The following SYN3 variants were observed in gnomAD, a reference collection of about 807,000 sequenced individuals.
The protein encoded by SYN3 is synapsin III.
Under a neutral mutation model 65.8 loss-of-function variants are expected in SYN3, and 35 were observed. That is an observed-to-expected ratio of 0.53 (90% CI 0.41 to 0.70). SYN3 has a LOEUF of 0.70. Among genes scored for constraint, SYN3 ranks in the 30% least tolerant of loss-of-function variants. The probability of loss-of-function intolerance (pLI) is 0.00; values close to 1 mark genes in which losing one functional copy is unlikely to be tolerated. For missense variants in SYN3, 680 were observed against 749.0 expected (o/e 0.91, Z 1.08); for synonymous variants, 270 against 292.9 (o/e 0.92, Z 0.80).
chr22:32,997,416 T>C (rs1043809590), intron 2 of SYN3, among the ~76,000 whole-genome samples: 1 of 152,174 alleles, frequency 6.6e-6, no homozygotes, highest in Non-Finnish European at 1.5e-5. Context: ...ACTGAAGCAG[T>C]AGCAGTGGTC....
intron 3 of SYN3, among the ~76,000 whole-genome samples, chr22:32,979,442 T>C (rs2052307326): frequency 6.6e-6 from 1 of 152,210 alleles, no homozygotes; most frequent in Admixed American, 6.5e-5. Flanking sequence ...ATTCAAAGTG[T>C]AGGTGTTTTA....
At chr22:32,515,099 C>G (rs1287991010) in intron 13 of SYN3, among the ~76,000 whole-genome samples, 1 of 152,124 alleles carries the variant, frequency 6.6e-6, no homozygotes, top group Non-Finnish European at 1.5e-5. Flanking sequence ...AGAGTCTTAT[C>G]TAGAACAAGG....
rs543611006 is a variant in SYN3, at chr22:32,945,709, A to C, written c.370-14228T>G. 3.3e-5 allele frequency among the ~76,000 whole-genome samples: 5 copies of C among 152,356 alleles called. No individual in the cohort carries two copies. In the South Asian group the frequency reaches 1.0e-3, roughly 32 times the overall value. On this transcript the variant is annotated intron_variant, in intron 3 of 13. Transcript: ENST00000358763. ...GACAAATGGGATCTAATTAAACTAA[A>C]GAGCTTCTGCACAGCAAAAGAAACT...
chr22:32,951,666 A>G (rs1055065225), intron 3 of SYN3, among the ~76,000 whole-genome samples: 5 of 152,204 alleles, frequency 3.3e-5, no homozygotes, highest in African/African-American at 9.6e-5. Context: ...CCTGGAAATT[A>G]TGTCAGCTGG....
intron 2 of SYN3, among the ~76,000 whole-genome samples, chr22:32,986,482 T>TC (rs2052530894): frequency 1.3e-5 from 2 of 151,934 alleles, no homozygotes; most frequent in Admixed American, 6.6e-5. Context: ...AGGGAGTCCA[T>TC]CCCCCCGCCT....
intron 7 of SYN3, among the ~76,000 whole-genome samples, chr22:32,554,382 A>G (rs1005615172): frequency 1.3e-5 from 2 of 152,008 alleles, no homozygotes; most frequent in African/African-American, 4.8e-5. Flanking sequence ...GTTTATTATC[A>G]TTTTTGTTAC....
chr22:32,542,551 ATATG>A (rs2058273700), intron 7 of SYN3, among the ~76,000 whole-genome samples: 1 of 143,420 alleles, frequency 7.0e-6, no homozygotes, highest in East Asian at 2.1e-4. Flanking sequence ...GTAGTGTGTG[ATATG>A]TGTGTGGTGT....
At chr22:32,813,344 C>T (rs976187043) in intron 6 of SYN3, among the ~76,000 whole-genome samples, 1 of 152,114 alleles carries the variant, frequency 6.6e-6, no homozygotes, top group Non-Finnish European at 1.5e-5. Flanking sequence ...CTGTGGTGAA[C>T]CGTACAGTCC....
intron 6 of SYN3, 77 bp from the exon 7 acceptor site, chr22:32,596,813 A>T: frequency 2.8e-6 from 4 of 1,427,254 alleles, no homozygotes; most frequent in Non-Finnish European, 3.9e-6. Context: ...CTTGTTCCAT[A>T]GAAAGATCCA....
At chr22:32,756,372 T>C (rs1048539717) in intron 6 of SYN3, among the ~76,000 whole-genome samples, 1 of 152,172 alleles carries the variant, frequency 6.6e-6, no homozygotes, top group African/African-American at 2.4e-5. Flanking sequence ...TGTATACACA[T>C]GTAACAAACC....
chr22:32,923,156 T>C (rs2050378974), intron 4 of SYN3, among the ~76,000 whole-genome samples: 1 of 152,150 alleles, frequency 6.6e-6, no homozygotes, highest in South Asian at 2.1e-4. Context: ...AGTCTATGGC[T>C]GGAGTCTTGA....
chr22:32,879,393 A>G (rs1049474412), intron 4 of SYN3, among the ~76,000 whole-genome samples: 1 of 152,172 alleles, frequency 6.6e-6, no homozygotes, highest in African/African-American at 2.4e-5. Context: ...AACAACAAAA[A>G]TTTATTTCTC....
chr22:32,741,089 A>G (rs546022240), intron 6 of SYN3, among the ~76,000 whole-genome samples: 26 of 152,324 alleles, frequency 1.7e-4, no homozygotes, highest in South Asian at 4.1e-4. Context: ...GGATCAGGGC[A>G]TGAGGAACAG....
In SYN3 at chr22:32,533,867, C is replaced by T. The variant is rs780441563; in HGVS notation, c.1021G>A (p.Glu341Lys). 2.5e-6 allele frequency: 4 copies of T among 1,613,906 alleles called. No individual in the cohort carries two copies. The highest frequency in any genetic ancestry group is 3.4e-6 in the Non-Finnish European group (4 of 1,179,880). The change falls in exon 10 of 14, where the codon GAA becomes AAA. Residue 341 changes from glutamate to lysine, a missense_variant. Glu to Lys is a moderately conservative substitution (Grantham distance 56). Transcript: ENST00000358763. Reference sequence around the variant, plus strand: ...CAGATGTCCAGGCCGCCAAACATTTCCGAGCAGCTGTCCACCCACAGCCTG... The same window carrying T: ...CAGATGTCCAGGCCGCCAAACATTTTCGAGCAGCTGTCCACCCACAGCCTG... ...RYRLWVDSCS[E>K]MFGGLDICAV...
At chr22:32,939,706 TGTA>T (rs1317955682) in intron 3 of SYN3, among the ~76,000 whole-genome samples, 1 of 152,236 alleles carries the variant, frequency 6.6e-6, no homozygotes, top group African/African-American at 2.4e-5. Context: ...TTAATTTCTG[TGTA>T]GTATTTCATT....
At chr22:32,787,631 C>T (rs890995278) in intron 6 of SYN3, among the ~76,000 whole-genome samples, 6 of 152,176 alleles carry the variant, frequency 3.9e-5, no homozygotes, top group African/African-American at 1.4e-4. Context: ...AGGCATCTTG[C>T]ACTGTTTTCT....
intron 4 of SYN3, among the ~76,000 whole-genome samples, chr22:32,869,950 T>C (rs1233385586): frequency 6.6e-6 from 1 of 152,150 alleles, no homozygotes. Context: ...TCAGGTCATC[T>C]GGCTCCAAGT....
chr22:32,982,736 A>G (rs1031772891), intron 2 of SYN3, among the ~76,000 whole-genome samples: 2 of 152,200 alleles, frequency 1.3e-5, no homozygotes, highest in Non-Finnish European at 2.9e-5. Context: ...ATTGATTAAT[A>G]TTTGTTGAAT....
intron 6 of SYN3, among the ~76,000 whole-genome samples, chr22:32,599,479 G>C (rs190707377): frequency 5.9e-5 from 9 of 152,136 alleles, no homozygotes; most frequent in African/African-American, 2.2e-4. Flanking sequence ...CCGCCACCAT[G>C]CCCGGCTAAT....
Sources: allele counts gnomAD v4.1 joint callset (sites outside exome capture counted in the v4.1 genomes callset), GRCh38; gene constraint gnomAD v4.1.1; transcripts MANE v1.5; gene names NCBI Gene and HGNC (gene_info 2026-07-23, HGNC 2026-07-21).